Variants in ATXN1 observed in about 807,000 individuals in gnomAD.
ATXN1 encodes the protein ataxin 1.
In ATXN1, 8 loss-of-function variants were observed where a neutral mutation model predicts 56.4. The observed-to-expected ratio is 0.14, with a 90% CI of 0.08 to 0.26. ATXN1 has a LOEUF of 0.26. Ranked by LOEUF, ATXN1 falls within the 10% of genes least tolerant of loss-of-function variation. The pLI, the probability that ATXN1 is intolerant of heterozygous loss-of-function variation, is 1.00. For synonymous variants in ATXN1, 514 were observed against 494.6 expected (o/e 1.04, Z -0.52); for missense variants, 987 against 1,106.5 (o/e 0.89, Z 1.53).
At chr6:16,470,486 T>G (rs1309779052) in intron 6 of ATXN1, among the ~76,000 whole-genome samples, 2 of 152,206 alleles carry the variant, frequency 1.3e-5, no homozygotes, top group Non-Finnish European at 2.9e-5. Flanking sequence ...TGTACTTTAC[T>G]ATAATAAAAA....
intron 4 of ATXN1, among the ~76,000 whole-genome samples, chr6:16,573,019 C>A (rs982134871): frequency 5.3e-5 from 8 of 152,124 alleles, no homozygotes; most frequent in Non-Finnish European, 1.2e-4. Flanking sequence ...TTTGAAAGAT[C>A]TTCTAACACT....
intron 6 of ATXN1, among the ~76,000 whole-genome samples, chr6:16,484,667 G>A (rs1760505229): frequency 6.6e-6 from 1 of 152,016 alleles, no homozygotes; most frequent in East Asian, 1.9e-4. Context: ...TTTCAATGAA[G>A]CACTGGGAAA....
At chr6:16,606,474 C>A (rs994883356) in intron 3 of ATXN1, among the ~76,000 whole-genome samples, 3 of 151,326 alleles carry the variant, frequency 2.0e-5, no homozygotes, top group African/African-American at 7.3e-5. Flanking sequence ...TAATGGGCAG[C>A]CCTGTTTTGT....
intron 6 of ATXN1, among the ~76,000 whole-genome samples, chr6:16,421,259 G>C (rs994751041): frequency 6.6e-6 from 1 of 152,050 alleles, no homozygotes; most frequent in African/African-American, 2.4e-5. Flanking sequence ...TGCAGCTAAG[G>C]ATGAGATTAT....
chr6:16,480,964 G>A (rs1213935605), intron 6 of ATXN1, among the ~76,000 whole-genome samples: 1 of 152,116 alleles, frequency 6.6e-6, no homozygotes, highest in Non-Finnish European at 1.5e-5. Flanking sequence ...CAAAGACCCT[G>A]CCAAAGGTGC....
At chr6:16,402,130 C>G (rs1351450079) in intron 6 of ATXN1, among the ~76,000 whole-genome samples, 1 of 152,090 alleles carries the variant, frequency 6.6e-6, no homozygotes, top group African/African-American at 2.4e-5. Flanking sequence ...CACCAGGTCC[C>G]TCCCACACAC....
intron 6 of ATXN1, among the ~76,000 whole-genome samples, chr6:16,331,337 C>T (rs561439256): frequency 9.8e-5 from 15 of 152,324 alleles, no homozygotes; most frequent in African/African-American, 3.4e-4. Flanking sequence ...TAACTGTGTT[C>T]TGTACAGCCT....
chr6:16,619,274 C>T (rs972917677), intron 3 of ATXN1, among the ~76,000 whole-genome samples: 2 of 151,970 alleles, frequency 1.3e-5, no homozygotes, highest in African/African-American at 4.8e-5. Flanking sequence ...GCCACCAGCT[C>T]TAGTTCTGGA....
At chr6:16,474,496 G>A (rs1760286341) in intron 6 of ATXN1, among the ~76,000 whole-genome samples, 1 of 152,208 alleles carries the variant, frequency 6.6e-6, no homozygotes, top group Admixed American at 6.5e-5. Context: ...ACCAGTCCCA[G>A]CCAAGCTGGC....
chr6:16,383,604 G>C (rs1012079214), intron 6 of ATXN1, among the ~76,000 whole-genome samples: 1 of 152,128 alleles, frequency 6.6e-6, no homozygotes, highest in Non-Finnish European at 1.5e-5. Context: ...ATTAGATCAT[G>C]CTACTAACGG....
At chr6:16,535,105 C>G (rs1463860078) in intron 4 of ATXN1, among the ~76,000 whole-genome samples, 3 of 152,152 alleles carry the variant, frequency 2.0e-5, no homozygotes, top group African/African-American at 7.2e-5. Context: ...CTGAAGTGAA[C>G]TAGGATCAGT....
intron 6 of ATXN1, among the ~76,000 whole-genome samples, chr6:16,376,914 T>G (rs1762151326): frequency 6.6e-6 from 1 of 152,234 alleles, no homozygotes; most frequent in Admixed American, 6.5e-5. Context: ...GCTGCAGACA[T>G]TCTTGAAAGG....
Position 16,692,414 on chromosome 6 carries a change from C to T in ATXN1, c.-614-34513G>A, listed in dbSNP as rs568506486. 5.9e-5 allele frequency among the ~76,000 whole-genome samples: 9 copies of T among 152,136 alleles called. No homozygotes were observed. In the South Asian group the frequency reaches 1.0e-3, roughly 18 times the overall value. ...TTACTTTGGGTTCTCAGATGACTTGCTATGTATTTAATGAAGTAAAATTGT... is the reference window on the plus strand; with the variant it reads ...TTACTTTGGGTTCTCAGATGACTTGTTATGTATTTAATGAAGTAAAATTGT... On this transcript the variant is annotated intron_variant, in intron 2 of 7. Transcript: ENST00000436367.
intron 6 of ATXN1, among the ~76,000 whole-genome samples, chr6:16,378,802 C>T (rs1762195868): frequency 1.3e-5 from 2 of 152,104 alleles, no homozygotes; most frequent in African/African-American, 4.8e-5. Flanking sequence ...TCAAGCAGTC[C>T]TCCCACCTCA....
At chr6:16,582,943 G>A (rs978377733) in intron 4 of ATXN1, among the ~76,000 whole-genome samples, 13 of 152,114 alleles carry the variant, frequency 8.5e-5, no homozygotes, top group African/African-American at 3.1e-4. Flanking sequence ...CACTCATGAG[G>A]TGCCTCATCA....
chr6:16,746,160 A>T (rs1403012328), intron 2 of ATXN1, among the ~76,000 whole-genome samples: 2 of 152,148 alleles, frequency 1.3e-5, no homozygotes, highest in East Asian at 3.8e-4. Flanking sequence ...AGCCAGAAGG[A>T]TTCAAGCCTC....
At chr6:16,668,635 T>C (rs1301515371) in intron 2 of ATXN1, among the ~76,000 whole-genome samples, 1 of 152,000 alleles carries the variant, frequency 6.6e-6, no homozygotes, top group African/African-American at 2.4e-5. Flanking sequence ...TAGAATAAAG[T>C]AGGATAGTAT....
intron 6 of ATXN1, among the ~76,000 whole-genome samples, chr6:16,423,485 G>C (rs1266927846): frequency 2.0e-5 from 3 of 152,142 alleles, no homozygotes; most frequent in African/African-American, 4.8e-5. Flanking sequence ...TGTGATATTA[G>C]GGCAGCAATG....
In ATXN1 at chr6:16,710,034, G is replaced by GA. The variant is rs760325350; in HGVS notation, c.-615+43198dup. On this transcript the variant is annotated intron_variant, in intron 2 of 7. Transcript: ENST00000436367. ...AAAAACAAACAAACACAAATTCTTA[G>GA]AAAAAAGAGAATAGAAGGAAACTTC... Among the ~76,000 whole-genome samples the GA allele has an allele frequency of 3.2e-4, 49 of 151,752 alleles. 1 individual carries two copies. The highest frequency in any genetic ancestry group is 4.9e-4 in the Non-Finnish European group (33 of 67,952).
Sources: gnomAD v4.1 joint callset for allele counts (sites outside exome capture counted in the v4.1 genomes callset) on GRCh38, gnomAD v4.1.1 for gene constraint, MANE v1.5 for transcripts, NCBI Gene and HGNC (gene_info 2026-07-23, HGNC 2026-07-21) for gene names.